Variants in PCLO observed in about 807,000 individuals in gnomAD.
PCLO encodes piccolo presynaptic cytomatrix protein.
PCLO carries 82 observed loss-of-function variants against 427.5 expected under a neutral mutation model. The ratio of observed to expected loss-of-function variants is 0.19; its 90% confidence interval spans 0.16 to 0.23. The LOEUF is 0.23. Among genes scored for constraint, PCLO ranks in the 10% least tolerant of loss-of-function variants. The pLI is 1.00. For synonymous variants in PCLO, 2,357 were observed against 2,155.4 expected, an observed-to-expected ratio of 1.09 and a Z score of -2.59; for missense variants, 6,239 against 6,115.9, an observed-to-expected ratio of 1.02 and a Z score of -0.67.
At chr7:82,759,892 C>A (rs1054202793) in intron 24 of PCLO, among the ~76,000 whole-genome samples, 1 of 151,948 alleles carries the variant, frequency 6.6e-6, no homozygotes, top group Non-Finnish European at 1.5e-5. Context: ...CAGGTAAGTA[C>A]AGATATTGTT....
chr7:83,106,754 A>G (rs554664254), intron 3 of PCLO, among the ~76,000 whole-genome samples: 177 of 152,284 alleles, frequency 1.2e-3, no homozygotes, highest in Non-Finnish European at 1.9e-3. Flanking sequence ...TAACTAAGTC[A>G]ACATTCCCAG....
At position 83,134,288 on chromosome 7, in the gene PCLO, T is replaced by G; in HGVS notation, c.3262A>C (p.Asn1088His). Residue 1088 changes from asparagine to histidine, a missense_variant, in exon 3 of 25, where the codon AAT becomes CAT. Asn to His is a moderately conservative substitution (Grantham distance 68). Transcript: ENST00000333891. ...GGTGTAGGGTTAAATCCACAGAGAT[T>G]ACACACTTGATTCTTGCATTCAGTG... ...TCTECKNQVC[N>H]LCGFNPTPHL... is the part of the protein sequence containing the mutation. The G allele has an allele frequency of 1.3e-6, 2 of 1,569,324 alleles. No individual in the cohort carries two copies. The highest frequency in any genetic ancestry group is 1.7e-6 in the Non-Finnish European group (2 of 1,156,012).
intron 3 of PCLO, among the ~76,000 whole-genome samples, chr7:83,125,185 G>A (rs1791401996): frequency 6.6e-6 from 1 of 152,094 alleles, no homozygotes. Flanking sequence ...CCCCGTCTAG[G>A]AAGTGAGGAG....
intron 22 of PCLO, among the ~76,000 whole-genome samples, chr7:82,767,197 T>C (rs2129467736): frequency 6.6e-6 from 1 of 152,274 alleles, no homozygotes; most frequent in East Asian, 1.9e-4. Flanking sequence ...TATAATTTGG[T>C]TTGGATAAAG....
chr7:82,881,977 T>C (rs1224380214), intron 9 of PCLO, among the ~76,000 whole-genome samples: 1 of 152,090 alleles, frequency 6.6e-6, no homozygotes, highest in Non-Finnish European at 1.5e-5. Flanking sequence ...TTAAGTTGCA[T>C]AAGAAGATCA....
In PCLO at chr7:82,913,288, TA is replaced by T. The variant is rs567507708; in HGVS notation, c.13300+1397del. Among the ~76,000 whole-genome samples, 306 of 152,042 alleles carry T rather than the reference TA, an allele frequency of 2.0e-3. 1 individual carries two copies. The highest frequency in any genetic ancestry group is 0.01 in the Middle Eastern group (3 of 294). On this transcript the variant is annotated intron_variant, in intron 7 of 24. Coordinates refer to ENST00000333891, the MANE Select transcript of PCLO (RefSeq NM_033026.6). ...AGATACAGTGATTATTTTAGTTCAA[TA>T]AAAAAACTATTAAAATCCAGATTTG...
chr7:82,763,278 A>G (rs1790467502), intron 22 of PCLO, among the ~76,000 whole-genome samples: 1 of 152,062 alleles, frequency 6.6e-6, no homozygotes, highest in Admixed American at 6.6e-5. Context: ...AGTCCCTAGC[A>G]CTTTCATGCA....
chr7:83,142,607 T>G (rs1562988156), intron 2 of PCLO, among the ~76,000 whole-genome samples: 1 of 152,192 alleles, frequency 6.6e-6, no homozygotes, highest in African/African-American at 2.4e-5. Flanking sequence ...TTCAAATATG[T>G]AGTGATTTAC....
At chr7:82,976,173 T>C (rs924647264) in intron 3 of PCLO, among the ~76,000 whole-genome samples, 2 of 152,146 alleles carry the variant, frequency 1.3e-5, no homozygotes, top group Non-Finnish European at 2.9e-5. Flanking sequence ...TGTCAATTAT[T>C]GTTTGGCTTG....
In PCLO at chr7:82,786,612, C is replaced by T. The variant is rs551829736; in HGVS notation, c.15007+14906G>A. ...AAAGACACAACTTTTTGTTTTGATA[C>T]TTTAAGTTCTGAGGTACATGTGCAG... is the stretch of plus-strand genomic sequence containing the variant. On this transcript the variant is annotated intron_variant, in intron 22 of 24. Transcript: ENST00000333891. Among the ~76,000 whole-genome samples the T allele has an allele frequency of 3.3e-5, 5 of 152,142 alleles. No homozygotes were observed. The East Asian group carries it at 7.7e-4, about 24-fold the overall frequency.
intron 10 of PCLO, among the ~76,000 whole-genome samples, chr7:82,875,813 A>G (rs10252748): frequency 0.062 from 9,480 of 152,178 alleles, 981 homozygotes; most frequent in African/African-American, 0.21. Context: ...AATCAAAATA[A>G]AACTATAAAA....
chr7:83,081,051 G>A lies in PCLO; in HGVS notation c.3300+53199C>T, dbSNP rs367971343. Among the ~76,000 whole-genome samples the A allele has an allele frequency of 2.0e-5, 3 of 152,010 alleles. 1 individual carries two copies. ...ACGGTTTATGGGTAACTGAAATGTA[G>A]AAAGTAAAACCACTGATAAGGGGTG... On this transcript the variant is annotated intron_variant, in intron 3 of 24. Transcript: ENST00000333891.
intron 20 of PCLO, chr7:82,820,901 T>C (rs531751063): frequency 1.2e-5 from 15 of 1,230,340 alleles, no homozygotes; most frequent in Non-Finnish European, 1.4e-5. Flanking sequence ...GCCCAGTGCA[T>C]AGAAAAATAC....
rs1003247813 is a variant in PCLO, at chr7:82,914,780, C to T, written c.13206G>A (p.Gln4402=). The T allele has an allele frequency of 6.2e-7, 1 of 1,613,298 alleles. No individual in the cohort carries two copies. Among genetic ancestry groups the T allele is most frequent in the African/African-American group, 1.3e-5 (1 of 74,900 alleles). ...FGSSHSLPEV[Q]QHMREESRTR... ...TCCGTGATTCTTCCCTCATGTGTTG[C>T]TGAACTTCAGGCAATGAGTGGCTTG... is the stretch of plus-strand genomic sequence containing the variant. The change falls in exon 7 of 25, where the codon CAG becomes CAA. Residue 4402 remains glutamine, a synonymous_variant. Transcript: ENST00000333891.
chr7:82,790,857 G>C (rs932988988), intron 22 of PCLO, among the ~76,000 whole-genome samples: 3 of 152,116 alleles, frequency 2.0e-5, no homozygotes, highest in Non-Finnish European at 4.4e-5. Flanking sequence ...CAACATACAG[G>C]ATTAACAAGA....
At chr7:83,066,666 A>G (rs938142121) in intron 3 of PCLO, among the ~76,000 whole-genome samples, 5 of 152,190 alleles carry the variant, frequency 3.3e-5, no homozygotes, top group African/African-American at 1.2e-4. Flanking sequence ...TGAAATAGCC[A>G]TTGAACTTAA....
intron 8 of PCLO, 142 bp downstream of exon 8, chr7:82,908,735 A>T: frequency 1.4e-6 from 1 of 693,628 alleles, no homozygotes; most frequent in Non-Finnish European, 2.4e-6. Flanking sequence ...GAGCTGTGTT[A>T]CTCCTTTATG....
chr7:83,099,311 T>C (rs754859042), intron 3 of PCLO, among the ~76,000 whole-genome samples: 1 of 145,960 alleles, frequency 6.9e-6, no homozygotes, highest in Non-Finnish European at 1.5e-5. Flanking sequence ...ACAAGGATTA[T>C]GAAAGAAAAA....
intron 3 of PCLO, among the ~76,000 whole-genome samples, chr7:83,014,950 A>T (rs1788170676): frequency 6.6e-6 from 1 of 152,168 alleles, no homozygotes; most frequent in East Asian, 1.9e-4. Flanking sequence ...AGCAATTACT[A>T]TGCGCCAGGT....
Sources: allele counts gnomAD v4.1 joint callset (sites outside exome capture counted in the v4.1 genomes callset), GRCh38; gene constraint gnomAD v4.1.1; transcripts MANE v1.5; gene names NCBI Gene and HGNC (gene_info 2026-07-23, HGNC 2026-07-21).